The following CCDC102B variants were observed in gnomAD, a reference collection of about 807,000 sequenced individuals.
The protein encoded by CCDC102B is coiled-coil domain-containing protein 102B.
In CCDC102B, 75 loss-of-function variants were observed where a neutral mutation model predicts 57.4. The observed-to-expected ratio is 1.31, with a 90% CI of 1.08 to 1.58. CCDC102B has a LOEUF of 1.58. CCDC102B is among the 40% of genes most tolerant of loss of function. The pLI is 0.00. For synonymous variants in CCDC102B, 206 were observed against 201.9 expected (o/e 1.02, Z -0.17); for missense variants, 636 against 582.6 (o/e 1.09, Z -0.94).
At chr18:68,928,407 A>T (rs950626117) in intron 6 of CCDC102B, among the ~76,000 whole-genome samples, 9 of 151,932 alleles carry the variant, frequency 5.9e-5, no homozygotes, top group Non-Finnish European at 1.3e-4. Context: ...CAGAGCTGGC[A>T]AACGAAGCTG....
chr18:68,977,738 T>TA (rs997093055), intron 6 of CCDC102B, among the ~76,000 whole-genome samples: 3 of 152,018 alleles, frequency 2.0e-5, no homozygotes, highest in Admixed American at 2.0e-4. Context: ...CTTTGGATCT[T>TA]ACAATTAATT....
chr18:68,956,550 A>ACGC (rs1203046361), intron 6 of CCDC102B, among the ~76,000 whole-genome samples: 8 of 1,590 alleles, frequency 5.0e-3, no homozygotes, highest in Admixed American at 0.015. Context: ...TATATATATA[A>ACGC]ATATTATATA....
chr18:68,751,981 GT>G (rs2033868198), intron 2 of CCDC102B, among the ~76,000 whole-genome samples: 1 of 152,136 alleles, frequency 6.6e-6, no homozygotes, highest in African/African-American at 2.4e-5. Flanking sequence ...ACGCATCAAG[GT>G]CGGGCATGGT....
chr18:69,054,364 T>G lies in CCDC102B; in HGVS notation c.*227T>G. The stretch of plus-strand genomic sequence containing the variant: ...TGTCATTTAAAAACAACTTTAATTC[T>G]AAGATGTGTAAATATTTTGAAAGTC... On this transcript the variant is annotated 3_prime_UTR_variant, in exon 8 of 8. Transcript: ENST00000360242. The G allele has an allele frequency of 1.7e-6, 2 of 1,165,988 alleles. No individual in the cohort carries two copies. Among genetic ancestry groups the G allele is most frequent in the Non-Finnish European group, 2.1e-6 (2 of 945,382 alleles). The allele number at this position is 1,165,988 out of a possible 1,614,324, so 72.2% of individuals were successfully genotyped here. A position where few individuals can be genotyped will look rare whatever the true frequency, so the allele number is the denominator to read the frequency against.
intron 4 of CCDC102B, among the ~76,000 whole-genome samples, chr18:68,858,058 T>G (rs997641447): frequency 2.6e-5 from 4 of 152,198 alleles, no homozygotes; most frequent in Admixed American, 2.6e-4. Context: ...GATGTCTCAA[T>G]TTTGGAGAGG....
chr18:68,875,568 T>C (rs1327893577), intron 5 of CCDC102B, among the ~76,000 whole-genome samples: 5 of 152,166 alleles, frequency 3.3e-5, no homozygotes, highest in Non-Finnish European at 5.9e-5. Flanking sequence ...TTCTTCCTTA[T>C]ATAACTCTTC....
At chr18:68,888,808 C>T (rs1200846753) in intron 5 of CCDC102B, among the ~76,000 whole-genome samples, 1 of 152,124 alleles carries the variant, frequency 6.6e-6, no homozygotes, top group African/African-American at 2.4e-5. Flanking sequence ...GGACTGCCAG[C>T]TTTCTCCAAT....
intron 2 of CCDC102B, among the ~76,000 whole-genome samples, chr18:68,773,322 G>A (rs1400643550): frequency 6.6e-6 from 1 of 152,014 alleles, no homozygotes; most frequent in Non-Finnish European, 1.5e-5. Flanking sequence ...TGGGAGAAAG[G>A]AAAGGTTAAT....
chr18:68,795,621 C>T (rs553016692), upstream of CCDC102B, among the ~76,000 whole-genome samples: 3 of 152,204 alleles, frequency 2.0e-5, no homozygotes, highest in Non-Finnish European at 4.4e-5. Context: ...ACAACATTCT[C>T]CCCTGTGCGT....
At chr18:69,046,089 A>G (rs113974480) in intron 7 of CCDC102B, among the ~76,000 whole-genome samples, 2 of 152,270 alleles carry the variant, frequency 1.3e-5, no homozygotes, top group African/African-American at 4.8e-5. Context: ...TGGTAGAATG[A>G]TTTATACTAC....
At chr18:68,816,359 T>G (rs1176776106) in intron 1 of CCDC102B, among the ~76,000 whole-genome samples, 1 of 152,218 alleles carries the variant, frequency 6.6e-6, no homozygotes, top group Non-Finnish European at 1.5e-5. Context: ...GTTTTATGGT[T>G]TAAACTGAGT....
intron 6 of CCDC102B, among the ~76,000 whole-genome samples, chr18:68,990,508 T>C (rs1288900148): frequency 6.6e-6 from 1 of 152,216 alleles, no homozygotes; most frequent in Admixed American, 6.5e-5. Context: ...TCATTTTTTG[T>C]TTATCTTGGG....
chr18:68,858,785 A>T (rs1327104924), intron 4 of CCDC102B: 1 of 152,188 alleles, frequency 6.6e-6, no homozygotes, highest in African/African-American at 2.4e-5. Flanking sequence ...TTTGTAATAC[A>T]TACATTTTAA....
intron 6 of CCDC102B, among the ~76,000 whole-genome samples, chr18:68,930,739 C>T (rs952718303): frequency 7.9e-5 from 12 of 151,834 alleles, no homozygotes; most frequent in Non-Finnish European, 1.3e-4. Context: ...TTGAAAATCA[C>T]CAGGAATCAG....
intron 7 of CCDC102B, among the ~76,000 whole-genome samples, chr18:69,018,445 TCTGA>T (rs2051732822): frequency 6.6e-6 from 1 of 152,158 alleles, no homozygotes; most frequent in African/African-American, 2.4e-5. Flanking sequence ...CTAGTTATTT[TCTGA>T]CTTTTTGATA....
At chr18:69,021,655 T>C (rs1423319483) in intron 7 of CCDC102B, among the ~76,000 whole-genome samples, 1 of 152,192 alleles carries the variant, frequency 6.6e-6, no homozygotes, top group Non-Finnish European at 1.5e-5. Context: ...ATTTGTTGTG[T>C]TTCTTTTCGT....
intron 6 of CCDC102B, among the ~76,000 whole-genome samples, chr18:68,921,843 C>T (rs1035803076): frequency 1.3e-5 from 2 of 152,158 alleles, no homozygotes; most frequent in Non-Finnish European, 2.9e-5. Context: ...CTATGTCAGG[C>T]TTCTGACCTC....
chr18:68,982,235 G>T, intron 6 of CCDC102B, among the ~76,000 whole-genome samples: 1 of 150,128 alleles, frequency 6.7e-6, no homozygotes, highest in South Asian at 2.1e-4. Flanking sequence ...ATTCCTAACA[G>T]TGTAAAAAAA....
At chr18:68,857,299 ATATAATATATATTTATATATT>A (rs1258930277) in intron 4 of CCDC102B, among the ~76,000 whole-genome samples, 35,907 of 51,402 alleles carry the variant, frequency 0.7, 12,521 homozygotes, top group East Asian at 0.78. Flanking sequence ...TATATTATAT[ATATAATATATATTTATATATT>A]ATATATATAA....
Sources: allele counts gnomAD v4.1 joint callset (sites outside exome capture counted in the v4.1 genomes callset), GRCh38; gene constraint gnomAD v4.1.1; transcripts MANE v1.5; gene names NCBI Gene and HGNC (gene_info 2026-07-23, HGNC 2026-07-21).